NSG2: variants seen among roughly 807,000 people sequenced by gnomAD.
NSG2 encodes the protein neuronal vesicle trafficking-associated protein 2.
In NSG2, 4 loss-of-function variants were observed where a neutral mutation model predicts 16.9. The observed-to-expected ratio is 0.24, with a 90% CI of 0.12 to 0.54. The LOEUF (loss-of-function observed/expected upper bound fraction) is 0.54. Among genes scored for constraint, NSG2 ranks in the 20% least tolerant of loss-of-function variants. NSG2 has a pLI of 0.95. For missense variants in NSG2, 179 were observed against 221.1 expected (o/e 0.81, Z 1.21); for synonymous variants, 98 against 88.7 (o/e 1.11, Z -0.59).
At chr5:174,055,510 A>C (rs1045040604) in intron 2 of NSG2, among the ~76,000 whole-genome samples, 1 of 152,144 alleles carries the variant, frequency 6.6e-6, no homozygotes, top group Non-Finnish European at 1.5e-5. Context: ...AGGCAGGAGA[A>C]TGGTGTGAAC....
Position 174,097,807 on chromosome 5 carries a change from G to A in NSG2, c.214-6421G>A, listed in dbSNP as rs373625948. On this transcript the variant is annotated intron_variant, in intron 3 of 4. Coordinates refer to ENST00000303177, the MANE Select transcript of NSG2 (RefSeq NM_015980.5). ...AGTGTGTGTGTCTCTGTGTGTGTGT[G>A]TAACTGTGTGTGTGAGTGTGTCTCT... Among the ~76,000 whole-genome samples the A allele has an allele frequency of 1.1e-3, 166 of 150,716 alleles. No individual in the cohort carries two copies. In the South Asian group the frequency reaches 0.016, roughly 14 times the overall value.
intron 3 of NSG2, among the ~76,000 whole-genome samples, chr5:174,085,631 C>T (rs1760597787): frequency 6.6e-6 from 1 of 152,230 alleles, no homozygotes; most frequent in South Asian, 2.1e-4. Context: ...AACAGCAAGA[C>T]TGTGCGATGA....
intron 2 of NSG2, among the ~76,000 whole-genome samples, chr5:174,053,988 G>A (rs764944520): frequency 5.3e-5 from 8 of 152,310 alleles, no homozygotes; most frequent in Admixed American, 3.3e-4. Flanking sequence ...GTATGCAAAG[G>A]CCACTATATA....
At chr5:174,061,583 A>G (rs1013186203) in intron 2 of NSG2, among the ~76,000 whole-genome samples, 1 of 152,074 alleles carries the variant, frequency 6.6e-6, no homozygotes, top group South Asian at 2.1e-4. Flanking sequence ...CACCCAGGAA[A>G]CTTCTATTCA....
In NSG2 at chr5:174,100,289, C is replaced by T. The variant is rs373733772; in HGVS notation, c.214-3939C>T. ...CATGTGGGGAACCACGTGGGGGCTT[C>T]GAAACATGCTGAGGCCTGGACTGCA... is the stretch of plus-strand genomic sequence containing the variant. On this transcript the variant is annotated intron_variant, in intron 3 of 4. Transcript: ENST00000303177. Among the ~76,000 whole-genome samples the T allele has an allele frequency of 1.8e-4, 27 of 152,312 alleles. No homozygotes were observed. In the South Asian group the frequency reaches 4.6e-3, roughly 26 times the overall value.
At chr5:174,075,914 C>T (rs923099941) in intron 3 of NSG2, among the ~76,000 whole-genome samples, 3 of 152,178 alleles carry the variant, frequency 2.0e-5, no homozygotes, top group Admixed American at 6.5e-5. Context: ...GGATGCTGAG[C>T]GCTCAGCTCT....
intron 2 of NSG2, among the ~76,000 whole-genome samples, chr5:174,048,000 G>A (rs1273919189): frequency 6.6e-6 from 1 of 152,218 alleles, no homozygotes; most frequent in Non-Finnish European, 1.5e-5. Flanking sequence ...GCCAAAGCTA[G>A]ATAAAGGGGC....
In NSG2 at chr5:174,107,008, G is replaced by C. The variant is rs1418319075; in HGVS notation, c.325-306G>C. Among the ~76,000 whole-genome samples, 3 of 152,224 alleles carry C rather than the reference G, an allele frequency of 2.0e-5. No homozygotes were observed. Among genetic ancestry groups the C allele is most frequent in the Admixed American group, 6.5e-5 (1 of 15,290 alleles). ...AGGGGACAGGTGAATCAGCCAGATA[G>C]AGGGAGTCTGTGGGGGTCTCTACAG... is the stretch of plus-strand genomic sequence containing the variant. On this transcript the variant is annotated intron_variant, in intron 4 of 4. Transcript: ENST00000303177. This position sits in a 1 kb window ranked among gnomAD's most constrained non-coding sequence, Gnocchi z 4.5.
intron 2 of NSG2, among the ~76,000 whole-genome samples, chr5:174,052,568 G>A (rs1759908010): frequency 6.6e-6 from 1 of 152,172 alleles, no homozygotes; most frequent in South Asian, 2.1e-4. Context: ...CAGGCCATGG[G>A]AGCAAGCTCC....
chr5:174,086,099 C>T (rs1168870071), intron 3 of NSG2, among the ~76,000 whole-genome samples: 3 of 152,120 alleles, frequency 2.0e-5, no homozygotes, highest in African/African-American at 7.2e-5. Context: ...CTGCCCTGCC[C>T]TGTCAAGTAC....
chr5:174,096,658 T>C (rs1760798134), intron 3 of NSG2, among the ~76,000 whole-genome samples: 1 of 151,502 alleles, frequency 6.6e-6, no homozygotes, highest in South Asian at 2.1e-4. Flanking sequence ...CCAGGAGCAG[T>C]GAGGCTGCTG....
chr5:174,052,626 C>T (rs1456163981), intron 2 of NSG2, among the ~76,000 whole-genome samples: 1 of 152,202 alleles, frequency 6.6e-6, no homozygotes, highest in African/African-American at 2.4e-5. Context: ...CAGGACATGC[C>T]TTTGGTGCTT....
chr5:174,084,088 T>G (rs1760549101), intron 3 of NSG2: 1 of 152,232 alleles, frequency 6.6e-6, no homozygotes, highest in Non-Finnish European at 1.5e-5. Context: ...GTAGGGACAC[T>G]GTTAACATAC....
intron 3 of NSG2, among the ~76,000 whole-genome samples, chr5:174,094,094 A>G (rs1399039650): frequency 6.6e-6 from 1 of 152,222 alleles, no homozygotes; most frequent in Non-Finnish European, 1.5e-5. Context: ...CACAACGCCA[A>G]TTAAGGTATG....
At chr5:174,078,583 A>G (rs1177580438) in intron 3 of NSG2, among the ~76,000 whole-genome samples, 1 of 152,196 alleles carries the variant, frequency 6.6e-6, no homozygotes, top group Non-Finnish European at 1.5e-5. Flanking sequence ...CTACAGTTTG[A>G]ATGTTTGTGT....
At chr5:174,079,593 T>G (rs1760412267) in intron 3 of NSG2, among the ~76,000 whole-genome samples, 1 of 152,186 alleles carries the variant, frequency 6.6e-6, no homozygotes, top group African/African-American at 2.4e-5. Context: ...TGAGCTTCTT[T>G]TTGGGTTCTT....
intron 3 of NSG2, among the ~76,000 whole-genome samples, chr5:174,077,992 T>A (rs547098753): frequency 1.1e-3 from 162 of 152,348 alleles, no homozygotes; most frequent in Admixed American, 2.0e-3. Flanking sequence ...GTTGTCTACA[T>A]CTGTGCTGTC....
chr5:174,075,698 C>T (rs1185550038), intron 3 of NSG2, among the ~76,000 whole-genome samples: 1 of 152,174 alleles, frequency 6.6e-6, no homozygotes, highest in African/African-American at 2.4e-5. Context: ...CTGGCTTCCT[C>T]GCTCTCTGGG....
In NSG2 at chr5:174,107,735, G is replaced by A. The variant is rs977033519; in HGVS notation, c.*230G>A. On this transcript the variant is annotated 3_prime_UTR_variant, in exon 5 of 5. Coordinates refer to ENST00000303177, the MANE Select transcript of NSG2 (RefSeq NM_015980.5). The surrounding 1 kb of genome is among the most constrained non-coding windows in gnomAD (Gnocchi z 4.5). ...TGATTCGTCGCCGAGTCAGGCTCAT[G>A]TACAAAGGCATGTTTCGTGTTGATT... The A allele has an allele frequency of 1.5e-6, 1 of 688,270 alleles. No individual in the cohort carries two copies. The highest frequency in any genetic ancestry group is 2.7e-6 in the Non-Finnish European group (1 of 376,040). 42.6% of individuals were successfully genotyped at this position (688,270 alleles called of 1,614,324 possible).
Sources: gnomAD v4.1 joint callset for allele counts (sites outside exome capture counted in the v4.1 genomes callset) on GRCh38, gnomAD v4.1.1 for gene constraint, Gnocchi (gnomAD v3.1) non-coding constraint, MANE v1.5 for transcripts, NCBI Gene and HGNC (gene_info 2026-07-23, HGNC 2026-07-21) for gene names.